Variants in CD1C observed in about 807,000 individuals in gnomAD.
CD1C encodes CD1c molecule, also known as T-cell surface glycoprotein CD1c.
A neutral mutation model predicts 39.4 loss-of-function variants in CD1C; 47 were observed. The ratio of observed to expected loss-of-function variants is 1.19; its 90% CI spans 0.94 to 1.52. CD1C has a LOEUF of 1.52. Among genes scored for constraint, CD1C ranks in the 40% most tolerant of loss-of-function variants. The pLI is 0.00. For synonymous variants in CD1C, 165 were observed against 150.8 expected (o/e 1.09, Z -0.69); for missense variants, 417 against 395.2 (o/e 1.06, Z -0.47).
chr1:158,293,511 A>C lies in CD1C; in HGVS notation c.*35A>C, dbSNP rs747538856. The stretch of plus-strand genomic sequence containing the variant: ...CCCTGACTCCCCCATTGTGTTAAGA[A>C]CCCAGCAACCCAGGAGCCTAGTACA... On this transcript the variant is annotated 3_prime_UTR_variant, in exon 6 of 6. Transcript: ENST00000368170. 2 of 1,613,904 alleles carry C rather than the reference A, an allele frequency of 1.2e-6. No homozygotes were observed. The highest frequency in any genetic ancestry group is 1.7e-5 in the Admixed American group (1 of 60,000).
In CD1C at chr1:158,294,509, T is replaced by G. The variant is rs1414539956; in HGVS notation, c.*1033T>G. ...TCATGTTTTTATTTATTTCAAAAAA[T>G]TTTAAATAGATTTTATTGATGTATA... is the stretch of plus-strand genomic sequence containing the variant. On this transcript the variant is annotated 3_prime_UTR_variant, in exon 6 of 6. Coordinates refer to ENST00000368170, the MANE Select transcript of CD1C (RefSeq NM_001765.3). Among the ~76,000 whole-genome samples the G allele has an allele frequency of 2.0e-5, 3 of 152,216 alleles. No homozygotes were observed. Among genetic ancestry groups the G allele is most frequent in the African/African-American group, 7.2e-5 (3 of 41,460 alleles).
chr1:158,290,033 T>A lies in CD1C; in HGVS notation c.-32T>A, dbSNP rs1246110522. 7.5e-6 allele frequency: 12 copies of A among 1,609,120 alleles called. No homozygotes were observed. Among genetic ancestry groups the A allele is most frequent in the Non-Finnish European group, 1.0e-5 (12 of 1,175,720 alleles). On this transcript the variant is annotated 5_prime_UTR_variant, in exon 1 of 6. Transcript: ENST00000368170. ...CTAAGAACAGAGATCAGCAAACAGC[T>A]TTTCTGAGAGAAAGAAACATCTGCA...
In CD1C at chr1:158,292,887, G is replaced by A. The variant is rs770813634; in HGVS notation, c.889+13G>A. 3 of 1,612,636 alleles carry A rather than the reference G, an allele frequency of 1.9e-6. No individual in the cohort carries two copies. The highest frequency in any genetic ancestry group is 1.7e-5 in the Admixed American group (1 of 59,968). On this transcript the variant is annotated intron_variant, in intron 4 of 5. Coordinates refer to ENST00000368170, the MANE Select transcript of CD1C (RefSeq NM_001765.3). ...ATCCTCTACTGGGGTAAGACTGGAGGTTGGAAGTGTAGGTAGGTGGTTCTT... is the reference window on the plus strand; with the variant it reads ...ATCCTCTACTGGGGTAAGACTGGAGATTGGAAGTGTAGGTAGGTGGTTCTT...
rs1224613204 is a variant in CD1C at position 158,292,766 on chromosome 1, A to G, written c.781A>G (p.Thr261Ala). 6.2e-7 allele frequency: 1 copy of G among 1,614,088 alleles called. No homozygotes were observed. Among genetic ancestry groups the G allele is most frequent in the African/African-American group, 1.3e-5 (1 of 74,938 alleles). The part of the protein sequence containing the change: ...HGDILPNADG[T>A]WYLQVILEVA... ...TGATATTCTTCCTAATGCTGATGGG[A>G]CATGGTATCTTCAGGTGATCCTGGA... The change falls in exon 4 of 6, where the codon ACA becomes GCA. Residue 261 changes from threonine to alanine, a missense_variant. Coordinates refer to ENST00000368170, the MANE Select transcript of CD1C (RefSeq NM_001765.3).
At chr1:158,291,721 AG>A (rs1651047024) in intron 2 of CD1C, among the ~76,000 whole-genome samples, 1 of 152,108 alleles carries the variant, frequency 6.6e-6, no homozygotes, top group South Asian at 2.1e-4. Context: ...ATTTCTTCAA[AG>A]ATCTATGTCC....
Position 158,291,206 on chromosome 1 carries a change from A to T in CD1C, c.134A>T (p.Gln45Leu), listed in dbSNP as rs1557800764. ...GTCAACCAATCCTGGGCACGAGGTC[A>T]GGGCTCAGGATGGCTGGACGAGTTG... ...SFVNQSWARGQGSGWLDELQT... is the reference protein window; with the variant it reads ...SFVNQSWARGLGSGWLDELQT... Residue 45 changes from glutamine to leucine, a missense_variant, in exon 2 of 6, where the codon CAG becomes CTG. Transcript: ENST00000368170. The T allele has an allele frequency of 1.2e-6, 2 of 1,613,868 alleles. No individual in the cohort carries two copies. The highest frequency in any genetic ancestry group is 3.3e-5 in the Admixed American group (2 of 59,998).
In CD1C at chr1:158,291,293, G is replaced by A. The variant is rs752113068; in HGVS notation, c.221G>A (p.Gly74Asp). 1.9e-6 allele frequency: 3 copies of A among 1,613,978 alleles called. No homozygotes were observed. Among genetic ancestry groups the A allele is most frequent in the Non-Finnish European group, 2.5e-6 (3 of 1,180,032 alleles). ...ATTTTCCTGCATAACTGGTCCAAGGGCAACTTCAGCAATGAAGAGTTGTCA... is the reference window on the plus strand; with the variant it reads ...ATTTTCCTGCATAACTGGTCCAAGGACAACTTCAGCAATGAAGAGTTGTCA... ...TIIFLHNWSK[G>D]NFSNEELSDL... The change falls in exon 2 of 6, where the codon GGC (glycine) becomes GAC (aspartate). Residue 74 changes from glycine (G) to aspartate (D), a missense_variant. Coordinates refer to ENST00000368170, the MANE Select transcript of CD1C (RefSeq NM_001765.3).
At position 158,293,390 on chromosome 1, in the gene CD1C, C is replaced by A. The variant is rs1401519819; in HGVS notation, c.981-65C>A. ...TCTTAGCTTTTCTCTATTGACTACT[C>A]CACCTTATCCTCAGTTACCACCTCC... On this transcript the variant is annotated intron_variant, in intron 5 of 5. Coordinates refer to ENST00000368170, the MANE Select transcript of CD1C (RefSeq NM_001765.3). 27 of 1,594,682 alleles carry A rather than the reference C, an allele frequency of 1.7e-5. No homozygotes were observed. The South Asian group carries it at 1.9e-4, about 11-fold the overall frequency.
Position 158,292,658 on chromosome 1 carries a change from T to A in CD1C, c.673T>A (p.Cys225Ser), listed in dbSNP as rs1243604116. ...TGGGTCTGGCCAGCTGTTGCTGGTTTGTCATGCCTCCGGCTTCTACCCAAA... is the reference window on the plus strand; with the variant it reads ...TGGGTCTGGCCAGCTGTTGCTGGTTAGTCATGCCTCCGGCTTCTACCCAAA... ...SLGSGQLLLV[C>S]HASGFYPKPV... Residue 225 changes from cysteine to serine, a missense_variant, in exon 4 of 6, where the codon TGT (cysteine) becomes AGT (serine). Cys to Ser is a moderately radical substitution (Grantham distance 112). Transcript: ENST00000368170. The A allele has an allele frequency of 6.2e-7, 1 of 1,613,624 alleles. No individual in the cohort carries two copies. The highest frequency in any genetic ancestry group is 8.5e-7 in the Non-Finnish European group (1 of 1,180,002).
intron 3 of CD1C, 62 bp downstream of exon 3, chr1:158,292,427 C>A: frequency 6.5e-7 from 1 of 1,543,398 alleles, no homozygotes; most frequent in East Asian, 2.2e-5. Context: ...CTTCTGTTCC[C>A]ACCCTTCAAA....
In CD1C at chr1:158,291,158, A is replaced by G. The variant is rs1651024580; in HGVS notation, c.86A>G (p.His29Arg). The G allele has an allele frequency of 6.2e-7, 1 of 1,610,342 alleles. No individual in the cohort carries two copies. Among genetic ancestry groups the G allele is most frequent in the Admixed American group, 1.7e-5 (1 of 59,472 alleles). ...GCATCCCAGGAACACGTCTCCTTCC[A>G]TGTCATCCAGATCTTCTCATTTGTC... ...ADASQEHVSF[H>R]VIQIFSFVNQ... The change falls in exon 2 of 6, where the codon CAT becomes CGT. Residue 29 changes from histidine to arginine, a missense_variant. By Grantham distance (29) the His-to-Arg change is conservative (BLOSUM62 0). Transcript: ENST00000368170.
intron 3 of CD1C, 80 bp from the exon 4 acceptor site, chr1:158,292,516 C>T (rs1365345462): frequency 3.3e-6 from 5 of 1,509,560 alleles, no homozygotes; most frequent in Non-Finnish European, 4.5e-6. Context: ...GATAACTGTG[C>T]ATATTCATGT....
chr1:158,290,813 G>A (rs903541663), intron 1 of CD1C, among the ~76,000 whole-genome samples: 7 of 152,264 alleles, frequency 4.6e-5, no homozygotes, highest in African/African-American at 7.2e-5. Context: ...TCTCCTCCCC[G>A]GTGGTGACAA....
Position 158,293,277 on chromosome 1 carries a change from C to T in CD1C, c.955C>T (p.Leu319Phe), listed in dbSNP as rs1651118609. 1 of 1,613,830 alleles carries T rather than the reference C, an allele frequency of 6.2e-7. No homozygotes were observed. The highest frequency in any genetic ancestry group is 1.3e-5 in the African/African-American group (1 of 74,906). ...VIVPLVILIVLVLWFKKHCSY... is the reference protein window; with the variant it reads ...VIVPLVILIVFVLWFKKHCSY... ...AGTGCCCTTGGTGATTCTAATAGTC[C>T]TTGTGTTATGGTTTAAGAAGCACTG... is the stretch of plus-strand genomic sequence containing the variant. Residue 319 changes from leucine to phenylalanine, a missense_variant, in exon 5 of 6, where the codon CTT becomes TTT. Leu to Phe is a conservative substitution (Grantham distance 22). Coordinates refer to ENST00000368170, the MANE Select transcript of CD1C (RefSeq NM_001765.3).
At chr1:158,291,956 T>C in intron 2 of CD1C, 128 bp from the exon 3 acceptor site, 1 of 870,028 alleles carries the variant, frequency 1.1e-6, no homozygotes, top group Non-Finnish European at 1.8e-6. Context: ...TGATCAAATA[T>C]GTCTTTGGCT....
Position 158,292,825 on chromosome 1 carries a change from T to A in CD1C, c.840T>A (p.Cys280Ter). The change falls in exon 4 of 6, where the codon TGT becomes TGA. Residue 280 changes from cysteine to a stop codon, truncating the protein, a stop_gained. Transcript: ENST00000368170. LOFTEE classifies it high-confidence loss of function. The part of the protein sequence containing the change: ...VASEEPAGLS[C>*]RVRHSSLGGQ... Reference sequence around the variant, plus strand: ...CTGAGGAGCCTGCTGGCCTGTCTTGTCGAGTGAGACACAGCAGTCTAGGAG... The same window carrying A: ...CTGAGGAGCCTGCTGGCCTGTCTTGACGAGTGAGACACAGCAGTCTAGGAG... 8.7e-6 allele frequency: 14 copies of A among 1,614,154 alleles called. No homozygotes were observed. The highest frequency in any genetic ancestry group is 1.2e-5 in the Non-Finnish European group (14 of 1,180,030).
rs201448758 is a variant in CD1C at position 158,292,108 on chromosome 1, C to T, written c.353C>T (p.Ala118Val). Reference sequence around the variant, plus strand: ...GATCCCTTTGAAGTACAGGTGAAAGCGGGCTGTGAGCTGCATTCTGGAAAG... The same window carrying T: ...GATCCCTTTGAAGTACAGGTGAAAGTGGGCTGTGAGCTGCATTCTGGAAAG... ...SKYPFEVQVK[A>V]GCELHSGKSP... The change falls in exon 3 of 6, where the codon GCG (alanine) becomes GTG (valine). Residue 118 changes from alanine (A) to valine (V), a missense_variant. By Grantham distance (64) the Ala-to-Val change is moderately conservative. Transcript: ENST00000368170. 192 of 1,613,864 alleles carry T rather than the reference C, an allele frequency of 1.2e-4. No individual in the cohort carries two copies. Among genetic ancestry groups the T allele is most frequent in the Middle Eastern group, 3.3e-4 (2 of 6,076 alleles).
chr1:158,292,351 A>G lies in CD1C; in HGVS notation c.596A>G (p.Tyr199Cys), dbSNP rs747223540. 6.8e-6 allele frequency: 11 copies of G among 1,613,652 alleles called. No homozygotes were observed. Among genetic ancestry groups the G allele is most frequent in the African/African-American group, 1.3e-5 (1 of 74,918 alleles). ...LLGLLDAGKMYVHRQVRPEAW... is the reference protein window; with the variant it reads ...LLGLLDAGKMCVHRQVRPEAW... ...GGTCTCCTGGATGCAGGGAAGATGTATGTACACAGGCAAGGTCAGTAGTTT... is the reference window on the plus strand; with the variant it reads ...GGTCTCCTGGATGCAGGGAAGATGTGTGTACACAGGCAAGGTCAGTAGTTT... The change falls in exon 3 of 6, where the codon TAT (tyrosine) becomes TGT (cysteine). Residue 199 changes from tyrosine (Y) to cysteine (C), a missense_variant. Transcript: ENST00000368170.
rs1320265744 is a variant in CD1C at position 158,291,344 on chromosome 1, A to T, written c.272A>T (p.Tyr91Phe). The T allele has an allele frequency of 3.1e-6, 5 of 1,613,902 alleles. No homozygotes were observed. In the South Asian group the frequency reaches 5.5e-5, roughly 18 times the overall value. ...LSDLELLFRF[Y>F]LFGLTREIQD... ...GACCTAGAGTTGTTATTTCGTTTCT[A>T]CCTCTTTGGATTAACTCGGGAGATT... The change falls in exon 2 of 6, where the codon TAC becomes TTC. Residue 91 changes from tyrosine (Y) to phenylalanine (F), a missense_variant. Transcript: ENST00000368170.
Sources: allele counts gnomAD v4.1 joint callset (sites outside exome capture counted in the v4.1 genomes callset), GRCh38; gene constraint gnomAD v4.1.1; transcripts MANE v1.5; gene names NCBI Gene and HGNC (gene_info 2026-07-23, HGNC 2026-07-21).